Variants in ADRA1B observed in about 807,000 individuals in gnomAD.
The protein encoded by ADRA1B is alpha-1B adrenergic receptor.
In ADRA1B, 17 loss-of-function variants were observed where a neutral mutation model predicts 17.9. The observed-to-expected ratio is 0.95, with a 90% CI of 0.65 to 1.42. The LOEUF (loss-of-function observed/expected upper bound fraction) is 1.42. Ranked by LOEUF, ADRA1B falls within the 40% of genes most tolerant of loss-of-function variation. The pLI is 0.00. For synonymous variants in ADRA1B, 366 were observed against 327.6 expected, an observed-to-expected ratio of 1.12 and a Z score of -1.27; for missense variants, 681 against 722.1, an observed-to-expected ratio of 0.94 and a Z score of 0.65.
At chr5:159,904,722 T>C (rs1754140424) in intron 1 of ADRA1B, among the ~76,000 whole-genome samples, 1 of 152,252 alleles carries the variant, frequency 6.6e-6, no homozygotes, top group Non-Finnish European at 1.5e-5. Flanking sequence ...AACAAGATAC[T>C]GAAGTCTCCT....
chr5:159,884,279 T>C (rs546419360), intron 1 of ADRA1B, among the ~76,000 whole-genome samples: 10 of 152,294 alleles, frequency 6.6e-5, no homozygotes, highest in African/African-American at 2.4e-4. Context: ...ATGCTGGAAA[T>C]TTGAAAACTT....
intron 1 of ADRA1B, among the ~76,000 whole-genome samples, chr5:159,932,679 C>A (rs1754848253): frequency 6.6e-6 from 1 of 152,082 alleles, no homozygotes; most frequent in South Asian, 2.1e-4. Context: ...TTAACAGTTT[C>A]TTATATATCC....
At chr5:159,973,764 G>A (rs1437096369), downstream of ADRA1B, among the ~76,000 whole-genome samples, 2 of 152,174 alleles carry the variant, frequency 1.3e-5, no homozygotes, top group Non-Finnish European at 2.9e-5. Context: ...ATTGTATGAA[G>A]AGCAGAGACT....
At chr5:159,935,769 ACTC>A (rs1754939273) in intron 1 of ADRA1B, among the ~76,000 whole-genome samples, 1 of 151,782 alleles carries the variant, frequency 6.6e-6, no homozygotes, top group African/African-American at 2.4e-5. Flanking sequence ...CTGGTCTCCA[ACTC>A]CTGATCTCAA....
At chr5:159,895,409 A>G (rs912160299) in intron 1 of ADRA1B, among the ~76,000 whole-genome samples, 5 of 152,190 alleles carry the variant, frequency 3.3e-5, no homozygotes, top group Non-Finnish European at 7.3e-5. Context: ...AAGCTTCACC[A>G]CCTGGAACAA....
chr5:159,980,133 TA>T, the ADRA1B span, among the ~76,000 whole-genome samples: 1 of 152,046 alleles, frequency 6.6e-6, no homozygotes, highest in East Asian at 1.9e-4. Flanking sequence ...GGAGGGTGGT[TA>T]GGGGGCCCTG....
chr5:159,903,269 C>T (rs778373201), intron 1 of ADRA1B, among the ~76,000 whole-genome samples: 7 of 152,204 alleles, frequency 4.6e-5, no homozygotes, highest in Non-Finnish European at 7.3e-5. Flanking sequence ...ATCAGGGCAG[C>T]TGGGACCTGG....
At chr5:159,984,425 CCA>C in the ADRA1B span, among the ~76,000 whole-genome samples, 4 of 152,084 alleles carry the variant, frequency 2.6e-5, no homozygotes, top group Admixed American at 6.6e-5. Flanking sequence ...CCCTTAAACC[CCA>C]CATCAAGCAT....
rs547893149 is a variant in ADRA1B at position 159,932,532 on chromosome 5, T to C, written c.949+14678T>C. Among the ~76,000 whole-genome samples, 12 of 152,304 alleles carry C rather than the reference T, an allele frequency of 7.9e-5. No homozygotes were observed. The East Asian group carries it at 2.3e-3, about 29-fold the overall frequency. On this transcript the variant is annotated intron_variant, in intron 1 of 1. Transcript: ENST00000306675. ...AATATACTTAACCAATCCAGTTATG[T>C]AAACAAGCCATTTACACCAATAGAT... is the stretch of plus-strand genomic sequence containing the variant.
intron 1 of ADRA1B, among the ~76,000 whole-genome samples, chr5:159,883,988 A>G (rs1363914901): frequency 6.6e-6 from 1 of 152,208 alleles, no homozygotes; most frequent in East Asian, 1.9e-4. Flanking sequence ...AGGCCAATTG[A>G]CCAGTGGATG....
intron 1 of ADRA1B, among the ~76,000 whole-genome samples, chr5:159,971,016 G>A (rs1453991352): frequency 6.6e-6 from 1 of 152,094 alleles, no homozygotes; most frequent in African/African-American, 2.4e-5. Context: ...TGCCCCGGCT[G>A]GTCTCAATCC....
In ADRA1B at chr5:159,972,245, T is replaced by G; in HGVS notation, c.1316T>G (p.Val439Gly). 3 of 1,339,742 alleles carry G rather than the reference T, an allele frequency of 2.2e-6. No homozygotes were observed. Among genetic ancestry groups the G allele is most frequent in the Non-Finnish European group, 2.9e-6 (3 of 1,044,036 alleles). 83.0% of individuals were successfully genotyped at this position (1,339,742 alleles called of 1,614,324 possible). ...GYLGRGAPPPVELCAFPEWKA... is the reference protein window; with the variant it reads ...GYLGRGAPPPGELCAFPEWKA... ...CTGGGCCGCGGCGCGCCACCGCCAG[T>G]CGAGCTGTGCGCCTTCCCCGAGTGG... The change falls in exon 2 of 2, where the codon GTC (valine) becomes GGC (glycine). Residue 439 changes from valine (V) to glycine (G), a missense_variant. By Grantham distance (109) the Val-to-Gly change is moderately radical. Around this residue, in one of 3 missense-constraint regions of ADRA1B, gnomAD observed 251 missense variants for 224.9 expected, o/e 1.12. Coordinates refer to ENST00000306675, the MANE Select transcript of ADRA1B (RefSeq NM_000679.4).
Position 159,972,207 on chromosome 5 carries a change from G to A in ADRA1B, c.1278G>A (p.Pro426=), listed in dbSNP as rs774991405. ...GSQRTLPSAS[P]SPGYLGRGAP... is the part of the protein sequence containing the mutation. ...AGCGGACCCTGCCCTCGGCCTCGCCGAGCCCGGGCTACCTGGGCCGCGGCG... is the reference window on the plus strand; with the variant it reads ...AGCGGACCCTGCCCTCGGCCTCGCCAAGCCCGGGCTACCTGGGCCGCGGCG... The change falls in exon 2 of 2, where the codon CCG becomes CCA. Residue 426 remains proline (P), a synonymous_variant. Coordinates refer to ENST00000306675, the MANE Select transcript of ADRA1B (RefSeq NM_000679.4). 1.1e-5 allele frequency: 15 copies of A among 1,361,326 alleles called. 1 individual carries two copies. Among genetic ancestry groups the A allele is most frequent in the South Asian group, 9.9e-5 (6 of 60,502 alleles). The allele number at this position is 1,361,326 out of a possible 1,614,324, so 84.3% of individuals were successfully genotyped here. A position where few individuals can be genotyped will look rare whatever the true frequency, so the allele number is the denominator to read the frequency against.
chr5:159,912,660 G>A (rs150772103), upstream of ADRA1B, among the ~76,000 whole-genome samples: 4 of 152,350 alleles, frequency 2.6e-5, no homozygotes, highest in East Asian at 7.7e-4. Context: ...AGACAACAAT[G>A]CTTTGAATAC....
At position 159,899,176 on chromosome 5, in the gene ADRA1B, G is replaced by GA. The variant is rs201324061; in HGVS notation, c.-255-16936dup. On this transcript the variant is annotated intron_variant, in intron 1 of 2. Coordinates refer to the ADRA1B transcript ENST00000641205. ...GAAGGAAGGAAGAAAGAAAAGAAAA[G>GA]AAAAAAAGAAAAGAAAAGAAAGAAT... Among the ~76,000 whole-genome samples, 192 of 132,628 alleles carry GA rather than the reference G, an allele frequency of 1.4e-3. 2 individuals are homozygous for GA. In the East Asian group the frequency reaches 0.018, roughly 12 times the overall value. The allele number at this position is 132,628 out of a possible 152,430, so 87.0% of individuals were successfully genotyped here.
At chr5:159,882,400 C>T (rs567869125) in intron 1 of ADRA1B, among the ~76,000 whole-genome samples, 1 of 152,264 alleles carries the variant, frequency 6.6e-6, no homozygotes, top group African/African-American at 2.4e-5. Context: ...CTTTATATGT[C>T]GGGTTGTTAT....
intron 1 of ADRA1B, among the ~76,000 whole-genome samples, chr5:159,955,922 G>GTCTC (rs143519789): frequency 2.7e-5 from 4 of 149,924 alleles, no homozygotes; most frequent in Admixed American, 6.7e-5. Flanking sequence ...CTTTCTCTTT[G>GTCTC]TCTCTCTCTC....
At chr5:159,922,590 T>G (rs1239328499) in intron 1 of ADRA1B, among the ~76,000 whole-genome samples, 1 of 152,144 alleles carries the variant, frequency 6.6e-6, no homozygotes, top group Non-Finnish European at 1.5e-5. Flanking sequence ...TCAGGGCAGG[T>G]CATCCATGTT....
chr5:159,931,715 T>A (rs1754810532), intron 1 of ADRA1B, among the ~76,000 whole-genome samples: 1 of 152,146 alleles, frequency 6.6e-6, no homozygotes, highest in African/African-American at 2.4e-5. Flanking sequence ...AAGTCCAAGA[T>A]CAAGGAGCAA....
Sources: gnomAD v4.1 joint callset for allele counts (sites outside exome capture counted in the v4.1 genomes callset) on GRCh38, gnomAD v4.1.1 for gene constraint, gnomAD v4.1.1 regional missense constraint, MANE v1.5 for transcripts, NCBI Gene and HGNC (gene_info 2026-07-23, HGNC 2026-07-21) for gene names.